MORC3: variants seen among roughly 807,000 people sequenced by gnomAD.
MORC3 encodes MORC family CW-type zinc finger protein 3.
A neutral mutation model predicts 109.1 loss-of-function variants in MORC3; 31 were observed. The ratio of observed to expected loss-of-function variants is 0.28; its 90% CI spans 0.21 to 0.38. The LOEUF is 0.38. Among genes scored for constraint, MORC3 ranks in the 10% least tolerant of loss-of-function variants. The probability of loss-of-function intolerance (pLI) is 1.00; values close to 1 mark genes in which losing one functional copy is unlikely to be tolerated. For missense variants in MORC3, 867 were observed against 1,135.8 expected (o/e 0.76, Z 3.40); for synonymous variants, 395 against 380.7 (o/e 1.04, Z -0.44).
At chr21:36,357,880 A>C (rs2085663549) in intron 10 of MORC3, among the ~76,000 whole-genome samples, 3 of 151,452 alleles carry the variant, frequency 2.0e-5, no homozygotes, top group African/African-American at 7.3e-5. Flanking sequence ...AGCTGGGACT[A>C]CAGGCGTGTG....
chr21:36,352,402 G>C (rs929925762), intron 9 of MORC3, among the ~76,000 whole-genome samples: 5 of 150,654 alleles, frequency 3.3e-5, no homozygotes, highest in Admixed American at 1.3e-4. Context: ...AAGGGGTGGG[G>C]GGGGGCAGGT....
At position 36,337,858 on chromosome 21, in the gene MORC3, C is replaced by G. The variant is rs530341313; in HGVS notation, c.372C>G (p.Ser124Arg). The part of the protein sequence containing the change: ...DAIVFTKNGE[S>R]MSVGLLSQTY... Reference sequence around the variant, plus strand: ...TCGTTTTTACCAAAAATGGAGAAAGCATGAGCGTGGGCCTTTTGTCTCAGA... The same window carrying G: ...TCGTTTTTACCAAAAATGGAGAAAGGATGAGCGTGGGCCTTTTGTCTCAGA... The change falls in exon 4 of 17, where the codon AGC becomes AGG. Residue 124 changes from serine to arginine, a missense_variant. Physicochemically the swap from Ser to Arg is moderately radical, Grantham distance 110. Around this residue, in one of 7 missense-constraint regions of MORC3, gnomAD observed 134 missense variants for 166.6 expected, o/e 0.80. Coordinates refer to ENST00000400485, the MANE Select transcript of MORC3 (RefSeq NM_015358.3). The G allele has an allele frequency of 1.2e-6, 2 of 1,614,170 alleles. No homozygotes were observed. The highest frequency in any genetic ancestry group is 2.2e-5 in the South Asian group (2 of 91,088).
At chr21:36,356,510 A>G (rs911560036) in intron 9 of MORC3, 110 bp from the exon 10 acceptor site, 14 of 530,902 alleles carry the variant, frequency 2.6e-5, no homozygotes, top group African/African-American at 1.8e-4. Flanking sequence ...TTTATTAACT[A>G]TATGTTTTGG....
At chr21:36,334,988 A>T (rs1054279443) in intron 2 of MORC3, among the ~76,000 whole-genome samples, 1 of 152,046 alleles carries the variant, frequency 6.6e-6, no homozygotes, top group Non-Finnish European at 1.5e-5. Context: ...AAAATTCGCC[A>T]GGGTGGTGGT....
intron 1 of MORC3, among the ~76,000 whole-genome samples, chr21:36,328,127 G>A (rs539535345): frequency 8.3e-4 from 126 of 151,662 alleles, no homozygotes; most frequent in Admixed American, 1.9e-3. Context: ...TCCACCTGCC[G>A]CGGCCTCCCA....
Position 36,337,945 on chromosome 21 carries a change from C to G in MORC3, c.459C>G (p.His153Gln). 1 of 1,612,760 alleles carries G rather than the reference C, an allele frequency of 6.2e-7. No homozygotes were observed. The highest frequency in any genetic ancestry group is 8.5e-7 in the Non-Finnish European group (1 of 1,179,490). The change falls in exon 4 of 17, where the codon CAC becomes CAG. Residue 153 changes from histidine (H) to glutamine (Q), a missense_variant and splice_region_variant. Transcript: ENST00000400485. ...TTCCAATAGTGGCATTCAACAAGCACCATATCCTTTTGGTTGTGAAATAAA... is the reference window on the plus strand; with the variant it reads ...TTCCAATAGTGGCATTCAACAAGCAGCATATCCTTTTGGTTGTGAAATAAA... ...VVVPIVAFNK[H>Q]RQMINLAESK...
intron 1 of MORC3, among the ~76,000 whole-genome samples, chr21:36,325,401 C>T (rs1569086154): frequency 1.3e-5 from 2 of 152,084 alleles, no homozygotes; most frequent in African/African-American, 4.8e-5. Flanking sequence ...GGAAGAAAGG[C>T]GTATCACATT....
chr21:36,375,131 T>C lies in MORC3; in HGVS notation c.2667-12T>C. 1 of 1,605,830 alleles carries C rather than the reference T, an allele frequency of 6.2e-7. No homozygotes were observed. Among genetic ancestry groups the C allele is most frequent in the African/African-American group, 1.3e-5 (1 of 74,776 alleles). On this transcript the variant is annotated splice_polypyrimidine_tract_variant and intron_variant, in intron 16 of 16. Coordinates refer to ENST00000400485, the MANE Select transcript of MORC3 (RefSeq NM_015358.3). ...AATGCTCATCTAATAAGTTACATAT[T>C]TGTATTTGCAGCCTCAAACTCCGAT...
chr21:36,358,407 A>G (rs1171237137), intron 10 of MORC3, among the ~76,000 whole-genome samples: 1 of 152,028 alleles, frequency 6.6e-6, no homozygotes, highest in East Asian at 2.0e-4. Context: ...ATAAAATGAA[A>G]TAAAACTAGA....
intron 9 of MORC3, among the ~76,000 whole-genome samples, chr21:36,355,022 A>T (rs2085629745): frequency 6.6e-6 from 1 of 152,172 alleles, no homozygotes; most frequent in African/African-American, 2.4e-5. Flanking sequence ...TGGACATAGC[A>T]GGAATTTATT....
At chr21:36,342,743 G>A (rs942954727) in intron 6 of MORC3, among the ~76,000 whole-genome samples, 1 of 151,886 alleles carries the variant, frequency 6.6e-6, no homozygotes, top group South Asian at 2.1e-4. Context: ...AATGGGCTAG[G>A]CACAGTGGCT....
chr21:36,362,278 G>A (rs774700457), intron 13 of MORC3, 50 bp downstream of exon 13: 1 of 1,546,926 alleles, frequency 6.5e-7, no homozygotes. Context: ...GATGGGGGCT[G>A]ACACCCGTAA....
intron 8 of MORC3, among the ~76,000 whole-genome samples, chr21:36,346,364 G>T (rs2085507628): frequency 6.6e-6 from 1 of 152,132 alleles, no homozygotes; most frequent in Non-Finnish European, 1.5e-5. Context: ...CTGAGGTGGG[G>T]ACAGAATATT....
At chr21:36,341,702 AAC>A (rs1411177793) in intron 6 of MORC3, among the ~76,000 whole-genome samples, 156 bp downstream of exon 6, 1 of 152,222 alleles carries the variant, frequency 6.6e-6, no homozygotes, top group Non-Finnish European at 1.5e-5. Flanking sequence ...CAGCCTGGGC[AAC>A]AGAGTGAGGC....
At chr21:36,360,887 C>T (rs142959330) in intron 12 of MORC3, 4,084 of 152,048 alleles carry the variant, frequency 0.027, 76 homozygotes, top group Admixed American at 0.047. Flanking sequence ...GCTTGGCAAA[C>T]GTGGTGAAAC....
intron 5 of MORC3, among the ~76,000 whole-genome samples, chr21:36,339,787 T>C (rs17814116): frequency 0.024 from 3,626 of 152,294 alleles, 53 homozygotes; most frequent in Non-Finnish European, 0.037. Context: ...GTGATAAGCC[T>C]AAAGAACTGA....
At chr21:36,323,633 G>A (rs1264907880) in intron 1 of MORC3, among the ~76,000 whole-genome samples, 1 of 152,026 alleles carries the variant, frequency 6.6e-6, no homozygotes, top group Admixed American at 6.6e-5. Context: ...TTATAATTTG[G>A]CTGGATTTGC....
At chr21:36,345,196 A>ACTCCC (rs147413549) in intron 8 of MORC3, among the ~76,000 whole-genome samples, 165 bp downstream of exon 8, 192 of 147,268 alleles carry the variant, frequency 1.3e-3, no homozygotes, top group African/African-American at 4.4e-3. Context: ...ACTTTTATTA[A>ACTCCC]CTCCCCTCCC....
intron 1 of MORC3, among the ~76,000 whole-genome samples, chr21:36,332,753 G>A (rs995465625): frequency 2.7e-5 from 4 of 149,092 alleles, no homozygotes; most frequent in Non-Finnish European, 6.0e-5. Context: ...GGCATCCTCA[G>A]GCCAAGTTTA....
Sources: allele counts gnomAD v4.1 joint callset (sites outside exome capture counted in the v4.1 genomes callset), GRCh38; gene constraint gnomAD v4.1.1; regional missense constraint gnomAD v4.1.1; transcripts MANE v1.5; gene names NCBI Gene and HGNC (gene_info 2026-07-23, HGNC 2026-07-21).